Variants in PRDM16 observed in about 807,000 individuals in gnomAD.
The protein encoded by PRDM16 is PR/SET domain 16.
In PRDM16, 23 loss-of-function variants were observed where a neutral mutation model predicts 110.6. That is an observed-to-expected ratio of 0.21 (90% CI 0.15 to 0.29). The LOEUF (loss-of-function observed/expected upper bound fraction) is 0.29, where lower values mean the gene tolerates loss of function less well. Among genes scored for constraint, PRDM16 ranks in the 10% least tolerant of loss-of-function variants. The pLI is 1.00. For missense variants in PRDM16, 1,615 were observed against 1,794.3 expected, an observed-to-expected ratio of 0.90 and a Z score of 1.81; for synonymous variants, 799 against 781.8, an observed-to-expected ratio of 1.02 and a Z score of -0.37.
At chr1:3,176,140 C>T (rs1023202461) in intron 1 of PRDM16, among the ~76,000 whole-genome samples, 1 of 148,718 alleles carries the variant, frequency 6.7e-6, no homozygotes, top group East Asian at 2.0e-4. Context: ...CCCATCCATG[C>T]ACTCATTCAT....
Position 3,077,487 on chromosome 1 carries a change from C to T in PRDM16, c.37+8191C>T, listed in dbSNP as rs561195346. On this transcript the variant is annotated intron_variant, in intron 1 of 16. Transcript: ENST00000270722. ...GTTGAAGTGCTGCGATGTGTGCACTCGTGTGAACCTGTTCCTCCAGCAGGG... is the reference window on the plus strand; with the variant it reads ...GTTGAAGTGCTGCGATGTGTGCACTTGTGTGAACCTGTTCCTCCAGCAGGG... Among the ~76,000 whole-genome samples the T allele has an allele frequency of 9.8e-5, 15 of 152,338 alleles. No homozygotes were observed. The South Asian group carries it at 2.7e-3, about 27-fold the overall frequency.
At chr1:3,379,726 C>T (rs530778147) in intron 3 of PRDM16, among the ~76,000 whole-genome samples, 2 of 7,102 alleles carry the variant, frequency 2.8e-4, no homozygotes, top group Admixed American at 1.2e-3. Flanking sequence ...CCCAACACAC[C>T]CATCCCAACA....
At chr1:3,415,156 C>G (rs1359243104) in intron 10 of PRDM16, among the ~76,000 whole-genome samples, 1 of 152,186 alleles carries the variant, frequency 6.6e-6, no homozygotes, top group African/African-American at 2.4e-5. Flanking sequence ...GAGAGCCCCC[C>G]AGTCCAGACA....
In PRDM16 at chr1:3,188,662, C is replaced by G. The variant is rs563107630; in HGVS notation, c.387+2188C>G. Among the ~76,000 whole-genome samples, 28 of 152,330 alleles carry G rather than the reference C, an allele frequency of 1.8e-4. No individual in the cohort carries two copies. The South Asian group carries it at 2.5e-3, about 14-fold the overall frequency. ...CGCACCCGGCAGGATCTCGCCTGAC[C>G]TTGTTTTCCTTGCGAGTTCGGGCAC... is the stretch of plus-strand genomic sequence containing the variant. On this transcript the variant is annotated intron_variant, in intron 2 of 16. Transcript: ENST00000270722.
chr1:3,421,447 G>A (rs1638428452), intron 12 of PRDM16, among the ~76,000 whole-genome samples: 4 of 152,226 alleles, frequency 2.6e-5, no homozygotes, highest in Admixed American at 2.6e-4. Flanking sequence ...TACGCAGTGA[G>A]ACCATCAATT....
chr1:3,166,737 A>C (rs1026056799), intron 1 of PRDM16, among the ~76,000 whole-genome samples: 9 of 152,174 alleles, frequency 5.9e-5, no homozygotes, highest in African/African-American at 1.9e-4. Flanking sequence ...GGCCCGGCCC[A>C]GGTGGGGAGA....
At chr1:3,340,768 G>A (rs1039410115) in intron 3 of PRDM16, among the ~76,000 whole-genome samples, 3 of 152,172 alleles carry the variant, frequency 2.0e-5, no homozygotes, top group African/African-American at 4.8e-5. Context: ...GATGAACAAC[G>A]GCCTCTTTAT....
At chr1:3,216,933 C>T (rs1302714146) in intron 2 of PRDM16, among the ~76,000 whole-genome samples, 1 of 152,262 alleles carries the variant, frequency 6.6e-6, no homozygotes, top group Non-Finnish European at 1.5e-5. Flanking sequence ...CCACCACTGT[C>T]TCTGACAGCC....
intron 3 of PRDM16, among the ~76,000 whole-genome samples, chr1:3,296,806 C>T (rs1031263471): frequency 3.9e-5 from 6 of 152,198 alleles, no homozygotes; most frequent in African/African-American, 1.2e-4. Context: ...TGTTCCTGGA[C>T]TTGGAATGGG....
At chr1:3,257,812 G>A (rs1395129034) in intron 3 of PRDM16, among the ~76,000 whole-genome samples, 1 of 152,178 alleles carries the variant, frequency 6.6e-6, no homozygotes, top group Non-Finnish European at 1.5e-5. Context: ...CAGTCGGAGG[G>A]CTGATTCACT....
At chr1:3,180,938 ACG>A in intron 1 of PRDM16, among the ~76,000 whole-genome samples, 1 of 150,162 alleles carries the variant, frequency 6.7e-6, no homozygotes, top group Admixed American at 6.6e-5. Context: ...GCAGCCACAC[ACG>A]CAGCCTTACA....
intron 3 of PRDM16, among the ~76,000 whole-genome samples, chr1:3,303,118 G>A (rs1641240737): frequency 6.6e-6 from 1 of 151,884 alleles, no homozygotes; most frequent in African/African-American, 2.4e-5. Flanking sequence ...TTTCCCTTTG[G>A]AAGTGTTAGT....
chr1:3,281,190 T>C (rs1640704759), intron 3 of PRDM16, among the ~76,000 whole-genome samples: 1 of 152,194 alleles, frequency 6.6e-6, no homozygotes, highest in Admixed American at 6.5e-5. Context: ...ACTCGAAACG[T>C]TGCCATCTGC....
intron 11 of PRDM16, 108 bp from the exon 12 acceptor site, chr1:3,418,559 G>C: frequency 5.3e-6 from 4 of 747,960 alleles, no homozygotes; most frequent in Non-Finnish European, 9.4e-6. Flanking sequence ...GGGTCCACCT[G>C]TGCATCAGGT....
chr1:3,112,423 A>G (rs2993503), intron 1 of PRDM16, among the ~76,000 whole-genome samples: 85,866 of 152,184 alleles, frequency 0.56, 25,625 homozygotes, highest in East Asian at 0.83. Flanking sequence ...GTCTGTAAAC[A>G]TTCTTTTTTC....
chr1:3,183,381 C>A (rs1644232630), intron 1 of PRDM16, among the ~76,000 whole-genome samples: 1 of 152,226 alleles, frequency 6.6e-6, no homozygotes, highest in Non-Finnish European at 1.5e-5. Context: ...CCTGCTGGAG[C>A]CTCCGTGCAG....
intron 3 of PRDM16, among the ~76,000 whole-genome samples, chr1:3,349,152 C>T (rs1268484512): frequency 6.6e-6 from 1 of 152,228 alleles, no homozygotes; most frequent in Non-Finnish European, 1.5e-5. Context: ...CAAACCACAG[C>T]CTCGCCCTGC....
chr1:3,253,961 G>C (rs983296767), intron 3 of PRDM16, among the ~76,000 whole-genome samples: 11 of 152,198 alleles, frequency 7.2e-5, no homozygotes, highest in African/African-American at 2.7e-4. Context: ...GATGGCTGGT[G>C]ATGGTGCGCA....
chr1:3,259,164 A>G (rs2455101), intron 3 of PRDM16, among the ~76,000 whole-genome samples: 58,939 of 152,142 alleles, frequency 0.39, 16,778 homozygotes, highest in African/African-American at 0.8. Context: ...TTCTGCCCAC[A>G]CACAGCCCTT....
Sources: allele counts gnomAD v4.1 joint callset (sites outside exome capture counted in the v4.1 genomes callset), GRCh38; gene constraint gnomAD v4.1.1; transcripts MANE v1.5; gene names NCBI Gene and HGNC (gene_info 2026-07-23, HGNC 2026-07-21).